The following KIAA1217 variants were observed in gnomAD, a reference collection of about 807,000 sequenced individuals.
KIAA1217 encodes the protein KIAA1217.
Under a neutral mutation model 163.9 loss-of-function variants are expected in KIAA1217, and 88 were observed. That is an observed-to-expected ratio of 0.54 (90% CI 0.45 to 0.64). The LOEUF is 0.64. Ranked by LOEUF, KIAA1217 falls within the 30% of genes least tolerant of loss-of-function variation. KIAA1217 has a pLI of 0.00. For missense variants in KIAA1217, 2,372 were observed against 2,475.0 expected (o/e 0.96, Z 0.88); for synonymous variants, 903 against 923.1 (o/e 0.98, Z 0.39).
At chr10:24,290,952 AATACATCC>A (rs1258636993) in intron 2 of KIAA1217, among the ~76,000 whole-genome samples, 1 of 152,036 alleles carries the variant, frequency 6.6e-6, no homozygotes, top group Non-Finnish European at 1.5e-5. Context: ...GGTTGTTTAA[AATACATCC>A]AGTGGGAATG....
At chr10:23,790,599 G>T (rs112882172) in intron 1 of KIAA1217, among the ~76,000 whole-genome samples, 1 of 108,550 alleles carries the variant, frequency 9.2e-6, no homozygotes, top group East Asian at 2.2e-4. Context: ...ATATATACAT[G>T]TACATATATA....
chr10:23,900,752 A>G (rs1219914098), intron 1 of KIAA1217, among the ~76,000 whole-genome samples: 1 of 152,076 alleles, frequency 6.6e-6, no homozygotes, highest in Non-Finnish European at 1.5e-5. Context: ...GTAGGAAGGC[A>G]GTTTAGTGGA....
At chr10:24,328,974 T>C (rs1031094970) in intron 2 of KIAA1217, among the ~76,000 whole-genome samples, 13 of 151,254 alleles carry the variant, frequency 8.6e-5, no homozygotes, top group African/African-American at 2.4e-4. Context: ...TTGTAGTATA[T>C]TGCATAGTAT....
At chr10:23,939,196 G>A (rs931332038) in intron 1 of KIAA1217, among the ~76,000 whole-genome samples, 13 of 151,970 alleles carry the variant, frequency 8.6e-5, no homozygotes, top group African/African-American at 2.9e-4. Context: ...GGAGCAAAAA[G>A]CAATTGGAAC....
At chr10:23,711,846 A>G (rs1217048578) in intron 1 of KIAA1217, among the ~76,000 whole-genome samples, 2 of 152,316 alleles carry the variant, frequency 1.3e-5, no homozygotes, top group Non-Finnish European at 1.5e-5. Context: ...AACTCCAGGA[A>G]TTAGAGGCTC....
intron 1 of KIAA1217, among the ~76,000 whole-genome samples, chr10:23,933,712 C>G (rs956256792): frequency 2.0e-5 from 3 of 151,982 alleles, no homozygotes; most frequent in Non-Finnish European, 4.4e-5. Context: ...AAAATCCCAT[C>G]AAAAAGAGGG....
At chr10:24,031,324 C>T (rs1046743245) in intron 2 of KIAA1217, among the ~76,000 whole-genome samples, 2 of 152,052 alleles carry the variant, frequency 1.3e-5, no homozygotes, top group African/African-American at 4.8e-5. Flanking sequence ...TATTTAGAGT[C>T]GGGTCTTGCT....
chr10:24,287,950 A>G (rs2078714290), intron 2 of KIAA1217, among the ~76,000 whole-genome samples: 1 of 152,224 alleles, frequency 6.6e-6, no homozygotes, highest in Non-Finnish European at 1.5e-5. Flanking sequence ...AGTAGCCACC[A>G]GGGAGACATG....
At chr10:24,029,422 A>G (rs567512952) in intron 2 of KIAA1217, among the ~76,000 whole-genome samples, 1 of 152,262 alleles carries the variant, frequency 6.6e-6, no homozygotes, top group Non-Finnish European at 1.5e-5. Flanking sequence ...AGGAGTATTC[A>G]GGGACTGGTG....
chr10:24,167,394 T>C (rs74554807), intron 2 of KIAA1217, among the ~76,000 whole-genome samples: 3,235 of 152,002 alleles, frequency 0.021, 97 homozygotes, highest in African/African-American at 0.072. Context: ...GATTCAAAGG[T>C]GTCATAGCAT....
At chr10:24,252,083 T>C (rs2074618034) in intron 2 of KIAA1217, among the ~76,000 whole-genome samples, 1 of 152,028 alleles carries the variant, frequency 6.6e-6, no homozygotes, top group African/African-American at 2.4e-5. Flanking sequence ...AGGTTGTTCA[T>C]GGTGGGAGCT....
intron 1 of KIAA1217, among the ~76,000 whole-genome samples, chr10:23,940,028 A>G (rs1843689910): frequency 6.6e-6 from 1 of 151,756 alleles, no homozygotes; most frequent in Non-Finnish European, 1.5e-5. Flanking sequence ...GAGAAAGAGT[A>G]TCACTAAGTA....
chr10:23,712,202 T>G (rs945924342), intron 1 of KIAA1217, among the ~76,000 whole-genome samples: 39 of 152,094 alleles, frequency 2.6e-4, no homozygotes, highest in African/African-American at 8.7e-4. Context: ...GGTAGAAGTT[T>G]GCTTCTCTGC....
chr10:23,884,125 A>G (rs556202080), intron 1 of KIAA1217, among the ~76,000 whole-genome samples: 4 of 152,012 alleles, frequency 2.6e-5, no homozygotes, highest in Admixed American at 2.6e-4. Flanking sequence ...GGTAAATGCC[A>G]AGGAATGTAA....
intron 1 of KIAA1217, among the ~76,000 whole-genome samples, chr10:23,828,567 G>C (rs77836436): frequency 0.012 from 1,877 of 152,320 alleles, 33 homozygotes; most frequent in South Asian, 0.052. Context: ...TTGTCTAAAA[G>C]AGGAAGCTGT....
At chr10:24,126,492 T>A (rs1416295328) in intron 2 of KIAA1217, among the ~76,000 whole-genome samples, 2 of 152,214 alleles carry the variant, frequency 1.3e-5, no homozygotes, top group African/African-American at 4.8e-5. Flanking sequence ...TTATTGTTTC[T>A]GGTGATGCAG....
rs35255558 is a variant in KIAA1217, at chr10:24,167,284, CGTGTGT to C, written c.-170-52315_-170-52310del. 8.8e-3 allele frequency among the ~76,000 whole-genome samples: 1,299 copies of C among 147,458 alleles called. 8 individuals carry two copies. The highest frequency in any genetic ancestry group is 0.017 in the African/African-American group (668 of 40,362). ...ATTAGAAAGGTTTGGTGTGTATGTG[CGTGTGT>C]GTGTGTGTGTGTGTGTGTGTGTGTG... On this transcript the variant is annotated intron_variant, in intron 2 of 18. Transcript: ENST00000376462.
intron 1 of KIAA1217, among the ~76,000 whole-genome samples, chr10:23,878,169 A>G (rs1022371463): frequency 6.6e-6 from 1 of 152,000 alleles, no homozygotes; most frequent in Admixed American, 6.6e-5. Context: ...CATGGCAAGA[A>G]AAAATCCAGA....
At chr10:23,959,033 T>G (rs1266607220) in intron 1 of KIAA1217, among the ~76,000 whole-genome samples, 1 of 151,196 alleles carries the variant, frequency 6.6e-6, no homozygotes, top group Admixed American at 6.6e-5. Context: ...GGCCTGACAT[T>G]GTCTGCTGGA....
Sources: allele counts gnomAD v4.1 joint callset (sites outside exome capture counted in the v4.1 genomes callset), GRCh38; gene constraint gnomAD v4.1.1; transcripts MANE v1.5; gene names NCBI Gene and HGNC (gene_info 2026-07-23, HGNC 2026-07-21).